Variants in C16orf87 observed in about 807,000 individuals in gnomAD.
C16orf87 encodes the protein UPF0547 protein C16orf87.
In C16orf87, 13 loss-of-function variants were observed where a neutral mutation model predicts 21.0. That is an observed-to-expected ratio of 0.62 (90% confidence interval 0.40 to 0.98). C16orf87 has a LOEUF of 0.98. C16orf87 is among the 50% of genes least tolerant of loss of function. The pLI, the probability that C16orf87 is intolerant of heterozygous loss-of-function variation, is 0.00. For missense variants in C16orf87, 113 were observed against 180.4 expected, an observed-to-expected ratio of 0.63 and a Z score of 2.14; for synonymous variants, 49 against 60.2, an observed-to-expected ratio of 0.81 and a Z score of 0.86.
chr16:46,819,525 G>T (rs2143132845), intron 2 of C16orf87, among the ~76,000 whole-genome samples: 1 of 151,294 alleles, frequency 6.6e-6, no homozygotes. Flanking sequence ...GGCCAGGCTG[G>T]TCTCAAACTC....
chr16:46,819,495 A>G (rs1343833792), intron 2 of C16orf87, among the ~76,000 whole-genome samples: 2 of 151,598 alleles, frequency 1.3e-5, no homozygotes, highest in African/African-American at 4.8e-5. Context: ...TTTTTAGCAG[A>G]GACGGGATTT....
chr16:46,807,766 T>C (rs1967972049), intron 3 of C16orf87, among the ~76,000 whole-genome samples: 1 of 152,252 alleles, frequency 6.6e-6, no homozygotes, highest in Non-Finnish European at 1.5e-5. Context: ...TATCTTACTC[T>C]AGAAATAGCT....
At position 46,831,079 on chromosome 16, in the gene C16orf87, C is replaced by G; in HGVS notation, c.66+5G>C. 1 of 1,569,270 alleles carries G rather than the reference C, an allele frequency of 6.4e-7. No individual in the cohort carries two copies. The highest frequency in any genetic ancestry group is 1.1e-5 in the South Asian group (1 of 87,110). On this transcript the variant is annotated splice_donor_5th_base_variant and intron_variant, in intron 1 of 3. Transcript: ENST00000285697. ...CCGCCCGCGCGCCCGGCCCCCGGCACCCACCTGTTGGTCGCACTCGGGGCA... is the reference window on the plus strand; with the variant it reads ...CCGCCCGCGCGCCCGGCCCCCGGCAGCCACCTGTTGGTCGCACTCGGGGCA...
Position 46,822,087 on chromosome 16 carries a change from G to A in C16orf87, c.163+2299C>T, listed in dbSNP as rs1245492388. On this transcript the variant is annotated intron_variant, in intron 2 of 3. Transcript: ENST00000285697. ...TTTATTTTAGACAAGGTCTCACTCT[G>A]TCACCCAGGCTAGAATACAGTGGTA... Among the ~76,000 whole-genome samples the A allele has an allele frequency of 2.6e-5, 4 of 152,036 alleles. No individual in the cohort carries two copies. In the East Asian group the frequency reaches 7.7e-4, roughly 29 times the overall value.
At chr16:46,824,806 C>T (rs1308955943) in intron 1 of C16orf87, among the ~76,000 whole-genome samples, 1 of 151,924 alleles carries the variant, frequency 6.6e-6, no homozygotes, top group Non-Finnish European at 1.5e-5. Flanking sequence ...GCTGGGACTA[C>T]AGGCACACGC....
intron 3 of C16orf87, among the ~76,000 whole-genome samples, chr16:46,803,342 C>T (rs114495974): frequency 1.8e-4 from 28 of 152,256 alleles, no homozygotes; most frequent in African/African-American, 6.7e-4. Context: ...TTTCTATCTC[C>T]TCACTGTCTC....
intron 1 of C16orf87, among the ~76,000 whole-genome samples, chr16:46,829,745 C>A (rs1199407059): frequency 6.6e-6 from 1 of 152,160 alleles, no homozygotes; most frequent in African/African-American, 2.4e-5. Context: ...AGCTCCTACA[C>A]TGTATTTCTT....
chr16:46,811,343 A>C (rs1968077835), intron 2 of C16orf87, among the ~76,000 whole-genome samples: 2 of 152,082 alleles, frequency 1.3e-5, no homozygotes, highest in African/African-American at 4.8e-5. Flanking sequence ...GTCTCTACTA[A>C]AAATACAAAA....
At chr16:46,830,225 T>C (rs553225754) in intron 1 of C16orf87, among the ~76,000 whole-genome samples, 138 of 120,202 alleles carry the variant, frequency 1.1e-3, no homozygotes, top group Non-Finnish European at 1.9e-3. Flanking sequence ...CGTTTCAAAT[T>C]CAAGAAACGA....
intron 2 of C16orf87, among the ~76,000 whole-genome samples, 157 bp from the exon 3 acceptor site, chr16:46,809,942 C>A (rs756137609): frequency 3.3e-5 from 5 of 151,968 alleles, no homozygotes; most frequent in African/African-American, 1.2e-4. Context: ...TCCCCCACAC[C>A]CTCATAAGAA....
At chr16:46,817,104 G>A (rs747946960) in intron 2 of C16orf87, among the ~76,000 whole-genome samples, 3 of 152,200 alleles carry the variant, frequency 2.0e-5, no homozygotes, top group East Asian at 1.9e-4. Flanking sequence ...GATCCTATAG[G>A]CATGCCAGAA....
chr16:46,798,694 A>C lies in C16orf87; in HGVS notation c.*4258T>G, dbSNP rs1343217713. 1 of 152,472 alleles carries C rather than the reference A, an allele frequency of 6.6e-6. No homozygotes were observed. Among genetic ancestry groups the C allele is most frequent in the Admixed American group, 6.5e-5 (1 of 15,276 alleles). 9.4% of individuals were successfully genotyped at this position (152,472 alleles called of 1,614,324 possible). ...AAGAGGCAGAGGGTGCAGTGAGCCA[A>C]GATCGCACCATTGCACTCCAGCCTG... On this transcript the variant is annotated 3_prime_UTR_variant, in exon 4 of 4. Transcript: ENST00000285697.
chr16:46,806,019 A>C (rs2143053050), intron 3 of C16orf87, among the ~76,000 whole-genome samples: 1 of 152,264 alleles, frequency 6.6e-6, no homozygotes, highest in South Asian at 2.1e-4. Context: ...CAAAGGATAA[A>C]CCTGGGGGAT....
At chr16:46,810,515 C>A (rs984941111) in intron 2 of C16orf87, among the ~76,000 whole-genome samples, 1 of 152,016 alleles carries the variant, frequency 6.6e-6, no homozygotes, top group African/African-American at 2.4e-5. Flanking sequence ...CTTGCTTTAA[C>A]ACATACCTGC....
At chr16:46,804,575 G>A (rs997422935) in intron 3 of C16orf87, among the ~76,000 whole-genome samples, 6 of 152,194 alleles carry the variant, frequency 3.9e-5, no homozygotes, top group African/African-American at 1.4e-4. Context: ...TGCCATTGTT[G>A]AGAAAACCAA....
chr16:46,816,675 CTTCT>C (rs901229818), intron 2 of C16orf87, among the ~76,000 whole-genome samples: 2 of 152,186 alleles, frequency 1.3e-5, no homozygotes, highest in African/African-American at 4.8e-5. Context: ...TTCTCCCCAT[CTTCT>C]TTAAGAACAG....
intron 2 of C16orf87, among the ~76,000 whole-genome samples, chr16:46,816,670 C>G (rs1309452158): frequency 6.6e-6 from 1 of 152,122 alleles, no homozygotes; most frequent in Non-Finnish European, 1.5e-5. Context: ...ATTCTTTCTC[C>G]CCATCTTCTT....
chr16:46,810,598 A>G (rs532258841), intron 2 of C16orf87, among the ~76,000 whole-genome samples: 174 of 152,342 alleles, frequency 1.1e-3, no homozygotes, highest in Admixed American at 3.0e-3. Flanking sequence ...AAACAGAAAA[A>G]TTCATATCCA....
At chr16:46,804,506 T>C (rs943080238) in intron 3 of C16orf87, among the ~76,000 whole-genome samples, 4 of 152,236 alleles carry the variant, frequency 2.6e-5, no homozygotes, top group African/African-American at 7.2e-5. Flanking sequence ...TGATTGAGTA[T>C]AGACTTGTAG....
Sources: allele counts gnomAD v4.1 joint callset (sites outside exome capture counted in the v4.1 genomes callset), GRCh38; gene constraint gnomAD v4.1.1; transcripts MANE v1.5; gene names NCBI Gene and HGNC (gene_info 2026-07-23, HGNC 2026-07-21).